RNF2: variants seen among roughly 807,000 people sequenced by gnomAD.
RNF2 encodes E3 ubiquitin-protein ligase RING2.
In RNF2, 6 loss-of-function variants were observed where a neutral mutation model predicts 37.2. The ratio of observed to expected loss-of-function variants is 0.16; its 90% CI spans 0.09 to 0.32. The LOEUF (loss-of-function observed/expected upper bound fraction) is 0.32. Among genes scored for constraint, RNF2 ranks in the 10% least tolerant of loss-of-function variants. The pLI, the probability that RNF2 is intolerant of heterozygous loss-of-function variation, is 1.00. For missense variants in RNF2, 251 were observed against 404.0 expected, an observed-to-expected ratio of 0.62 and a Z score of 3.25; for synonymous variants, 133 against 132.7, an observed-to-expected ratio of 1.00 and a Z score of -0.02.
Position 185,073,059 on chromosome 1 carries a change from C to CT in RNF2, c.-2-14477dup, listed in dbSNP as rs5779240. On this transcript the variant is annotated intron_variant, in intron 1 of 6. Transcript: ENST00000367510. ...ATTACACATTTTGCTCTACGACTTG[C>CT]TTTTTTTTTTTTTTTTACTTAATGT... Among the ~76,000 whole-genome samples, 670 of 136,934 alleles carry CT rather than the reference C, an allele frequency of 4.9e-3. 1 individual carries two copies. The highest frequency in any genetic ancestry group is 0.015 in the East Asian group (70 of 4,656). 89.8% of individuals were successfully genotyped at this position (136,934 alleles called of 152,430 possible).
At chr1:185,067,910 C>T (rs1431181376) in intron 1 of RNF2, among the ~76,000 whole-genome samples, 3 of 151,598 alleles carry the variant, frequency 2.0e-5, no homozygotes, top group Admixed American at 6.6e-5. Flanking sequence ...GGGGTTTCAC[C>T]GTGTTGGCCA....
At chr1:185,099,756 C>A in intron 5 of RNF2, 35 bp from the exon 6 acceptor site, 1 of 1,564,578 alleles carries the variant, frequency 6.4e-7, no homozygotes, top group Non-Finnish European at 8.7e-7. Context: ...TTGGCATATT[C>A]TAGAAATGAA....
chr1:185,053,073 CAT>C (rs1279861356), intron 1 of RNF2, among the ~76,000 whole-genome samples: 2 of 152,156 alleles, frequency 1.3e-5, no homozygotes, highest in Non-Finnish European at 2.9e-5. Context: ...CAGGAAATGA[CAT>C]AGTCCACATT....
intron 1 of RNF2, among the ~76,000 whole-genome samples, chr1:185,067,603 C>T (rs1271329167): frequency 1.3e-5 from 2 of 151,604 alleles, no homozygotes; most frequent in African/African-American, 4.9e-5. Context: ...AGAGAGAAGG[C>T]ATCTTAGTTT....
chr1:185,080,605 A>G (rs1651317098), intron 1 of RNF2, among the ~76,000 whole-genome samples: 1 of 152,208 alleles, frequency 6.6e-6, no homozygotes, highest in Non-Finnish European at 1.5e-5. Flanking sequence ...GACTGTAGAT[A>G]CCAGAGAACA....
intron 1 of RNF2, among the ~76,000 whole-genome samples, chr1:185,082,822 C>T (rs573452570): frequency 1.3e-5 from 2 of 152,082 alleles, no homozygotes; most frequent in Non-Finnish European, 2.9e-5. Context: ...TTTCCATAGT[C>T]TAAAATAAAC....
chr1:185,076,265 G>GTTTTTT (rs1557967374), intron 1 of RNF2, among the ~76,000 whole-genome samples: 5 of 39,554 alleles, frequency 1.3e-4, no homozygotes, highest in East Asian at 6.7e-4. Context: ...TCTTTTATGG[G>GTTTTTT]TTGTTTTTTT....
Position 185,102,451 on chromosome 1 carries a change from C to T in RNF2, c.*2150C>T, listed in dbSNP as rs1652103141. The stretch of plus-strand genomic sequence containing the variant: ...GGTAACATATACATAGCCACATTTA[C>T]AGTTTTAACCATTTTAAGGCATGTA... On this transcript the variant is annotated 3_prime_UTR_variant, in exon 7 of 7. Transcript: ENST00000367510. The T allele has an allele frequency of 6.6e-6, 1 of 152,202 alleles. No homozygotes were observed. The highest frequency in any genetic ancestry group is 2.1e-4 in the South Asian group (1 of 4,832). 9.4% of individuals were successfully genotyped at this position (152,202 alleles called of 1,614,324 possible).
chr1:185,058,297 C>G (rs919002793), intron 1 of RNF2, among the ~76,000 whole-genome samples: 1 of 152,174 alleles, frequency 6.6e-6, no homozygotes, highest in Admixed American at 6.5e-5. Flanking sequence ...ATTTGAATAT[C>G]TGTGGCTTTT....
intron 1 of RNF2, among the ~76,000 whole-genome samples, chr1:185,076,092 T>G (rs1651142346): frequency 6.6e-6 from 1 of 151,856 alleles, no homozygotes; most frequent in African/African-American, 2.4e-5. Flanking sequence ...TTACATATGT[T>G]GCACATATTT....
At chr1:185,072,964 T>C (rs993622529) in intron 1 of RNF2, among the ~76,000 whole-genome samples, 7 of 151,546 alleles carry the variant, frequency 4.6e-5, no homozygotes, top group African/African-American at 1.5e-4. Flanking sequence ...AAAAACATAG[T>C]GAACAGAACT....
At position 185,098,233 on chromosome 1, in the gene RNF2, A is replaced by G. The variant is rs900751231; in HGVS notation, c.626A>G (p.Asn209Ser). ...GATGATTCTGGGCTAGAGCTTGATA[A>G]TAACAATGCAGCAATGGCAATTGAT... ...TSDDSGLELDNNNAAMAIDPV... is the reference protein window; with the variant it reads ...TSDDSGLELDSNNAAMAIDPV... Residue 209 changes from asparagine to serine, a missense_variant, in exon 5 of 7, where the codon AAT becomes AGT. By Grantham distance (46) the Asn-to-Ser change is conservative. Transcript: ENST00000367510. 5.0e-6 allele frequency: 8 copies of G among 1,614,114 alleles called. No homozygotes were observed. The highest frequency in any genetic ancestry group is 2.7e-5 in the African/African-American group (2 of 74,942).
Position 185,051,953 on chromosome 1 carries a change from C to CATATATAT in RNF2, c.-3+6313_-3+6320dup, listed in dbSNP as rs140002491. 4.1e-5 allele frequency among the ~76,000 whole-genome samples: 6 copies of CATATATAT among 145,712 alleles called. No homozygotes were observed. The Admixed American group carries it at 4.1e-4, about 10-fold the overall frequency. On this transcript the variant is annotated intron_variant, in intron 1 of 6. Transcript: ENST00000367510. Reference sequence around the variant, plus strand: ...TATACATATTATATATACATTTTTACATATATATATATATATGCATGCACC... The same window carrying CATATATAT: ...TATACATATTATATATACATTTTTACATATATATATATATATATATATATGCATGCACC...
At chr1:185,060,526 G>T (rs1439831358) in intron 1 of RNF2, among the ~76,000 whole-genome samples, 1 of 152,092 alleles carries the variant, frequency 6.6e-6, no homozygotes, top group Non-Finnish European at 1.5e-5. Context: ...TGTTTCTCTT[G>T]GTCTGAGGGC....
intron 1 of RNF2, among the ~76,000 whole-genome samples, chr1:185,059,322 GC>G (rs1650532724): frequency 6.6e-6 from 1 of 151,568 alleles, no homozygotes; most frequent in African/African-American, 2.4e-5. Context: ...CACATTCTTT[GC>G]TTATCTGTTC....
intron 2 of RNF2, 123 bp downstream of exon 2, chr1:185,087,763 T>G: frequency 1.4e-6 from 1 of 714,654 alleles, no homozygotes; most frequent in South Asian, 1.8e-5. Context: ...ATTCCTGACT[T>G]CTGTATGTTG....
chr1:185,082,364 T>TTTTTTTTG (rs1173750596), intron 1 of RNF2, among the ~76,000 whole-genome samples: 1 of 114,890 alleles, frequency 8.7e-6, no homozygotes, highest in African/African-American at 3.3e-5. Context: ...TTTTTTTTTT[T>TTTTTTTTG]TTTGAAGACA....
chr1:185,089,463 C>T (rs554704513), intron 2 of RNF2, among the ~76,000 whole-genome samples: 22 of 152,148 alleles, frequency 1.4e-4, no homozygotes, highest in Admixed American at 1.1e-3. Flanking sequence ...AAGGGTCGAC[C>T]GTATATACTT....
intron 1 of RNF2, among the ~76,000 whole-genome samples, chr1:185,082,438 C>T (rs1318086491): frequency 6.7e-6 from 1 of 148,956 alleles, no homozygotes; most frequent in African/African-American, 2.5e-5. Flanking sequence ...GCAACCTCTG[C>T]CTCCCAGGTT....
Sources: gnomAD v4.1 joint callset for allele counts (sites outside exome capture counted in the v4.1 genomes callset) on GRCh38, gnomAD v4.1.1 for gene constraint, MANE v1.5 for transcripts, NCBI Gene and HGNC (gene_info 2026-07-23, HGNC 2026-07-21) for gene names.